SLC4A10: variants seen among roughly 807,000 people sequenced by gnomAD.
SLC4A10 encodes the protein sodium-driven chloride bicarbonate exchanger.
In SLC4A10, 42 loss-of-function variants were observed where a neutral mutation model predicts 137.7. The ratio of observed to expected loss-of-function variants is 0.30; its 90% CI spans 0.24 to 0.39. The LOEUF (loss-of-function observed/expected upper bound fraction) is 0.39, where lower values mean the gene tolerates loss of function less well. SLC4A10 is among the 10% of genes least tolerant of loss of function. The pLI, the probability that SLC4A10 is intolerant of heterozygous loss-of-function variation, is 1.00. For missense variants in SLC4A10, 925 were observed against 1,355.0 expected, an observed-to-expected ratio of 0.68 and a Z score of 4.98; for synonymous variants, 474 against 464.1, an observed-to-expected ratio of 1.02 and a Z score of -0.27.
intron 2 of SLC4A10, among the ~76,000 whole-genome samples, chr2:161,803,119 G>T (rs1288617957): frequency 6.6e-6 from 1 of 151,830 alleles, no homozygotes; most frequent in Non-Finnish European, 1.5e-5. Context: ...GATCTACTTG[G>T]TAACACAAAT....
At position 161,743,838 on chromosome 2, in the gene SLC4A10, G is replaced by A. The variant is rs188471112; in HGVS notation, c.49-27135G>A. Among the ~76,000 whole-genome samples the A allele has an allele frequency of 1.5e-4, 23 of 152,026 alleles. No individual in the cohort carries two copies. The East Asian group carries it at 3.9e-3, about 26-fold the overall frequency. On this transcript the variant is annotated intron_variant, in intron 1 of 26. Transcript: ENST00000446997. The stretch of plus-strand genomic sequence containing the variant: ...GCTTCAATGTTTTGTCTTTTTAATT[G>A]TAGAAATCTTTTACCTCTTTGATGA...
chr2:161,872,994 G>T (rs1361433122), intron 7 of SLC4A10, among the ~76,000 whole-genome samples: 1 of 152,144 alleles, frequency 6.6e-6, no homozygotes, highest in African/African-American at 2.4e-5. Context: ...GATTACAGGC[G>T]TGAGCCACCC....
chr2:161,758,047 G>A (rs908088572), intron 1 of SLC4A10, among the ~76,000 whole-genome samples: 3 of 151,196 alleles, frequency 2.0e-5, no homozygotes, highest in Admixed American at 2.0e-4. Flanking sequence ...TTTTTTCCAC[G>A]TTATTTTTAT....
intron 3 of SLC4A10, among the ~76,000 whole-genome samples, chr2:161,813,330 A>T (rs1168523808): frequency 6.6e-6 from 1 of 152,128 alleles, no homozygotes; most frequent in Non-Finnish European, 1.5e-5. Flanking sequence ...CAGTATGTAT[A>T]ATAAGCATCA....
chr2:161,899,198 C>A (rs2063835786), intron 11 of SLC4A10, among the ~76,000 whole-genome samples: 1 of 152,088 alleles, frequency 6.6e-6, no homozygotes. Flanking sequence ...TCTCCTCTTT[C>A]TCTTCTATAT....
Position 161,760,003 on chromosome 2 carries a change from T to C in SLC4A10, c.49-10970T>C, listed in dbSNP as rs1559185749. Among the ~76,000 whole-genome samples the C allele has an allele frequency of 5.9e-5, 9 of 151,972 alleles. No individual in the cohort carries two copies. The South Asian group carries it at 1.9e-3, about 31-fold the overall frequency. ...GTCATTTCTTTGTAGGTGGCTTTTT[T>C]CCTGGATGCTTTAAAAATGTCTCAT... On this transcript the variant is annotated intron_variant, in intron 1 of 26. Transcript: ENST00000446997.
intron 15 of SLC4A10, among the ~76,000 whole-genome samples, chr2:161,925,602 G>C (rs563198286): frequency 8.5e-5 from 13 of 152,104 alleles, no homozygotes; most frequent in Admixed American, 2.0e-4. Context: ...AGTTTTCGAA[G>C]GTGTTTGCTC....
chr2:161,645,707 T>A (rs986413433), intron 1 of SLC4A10, among the ~76,000 whole-genome samples: 1 of 152,078 alleles, frequency 6.6e-6, no homozygotes, highest in East Asian at 1.9e-4. Flanking sequence ...AAAAATATAA[T>A]ATTCCCCAAA....
chr2:161,951,976 T>C (rs1004342312), intron 19 of SLC4A10, among the ~76,000 whole-genome samples: 1 of 152,176 alleles, frequency 6.6e-6, no homozygotes, highest in East Asian at 1.9e-4. Context: ...CACAACTTTA[T>C]GTATTTTATT....
At chr2:161,906,015 C>A (rs1684263637) in intron 15 of SLC4A10, 128 bp downstream of exon 15, 2 of 1,198,408 alleles carry the variant, frequency 1.7e-6, no homozygotes, top group Non-Finnish European at 2.3e-6. Flanking sequence ...TAAATCCTGA[C>A]TCTCAGAGTC....
intron 19 of SLC4A10, among the ~76,000 whole-genome samples, chr2:161,954,216 G>A (rs566821550): frequency 6.6e-6 from 1 of 152,252 alleles, no homozygotes; most frequent in East Asian, 1.9e-4. Flanking sequence ...GGTTCTTCAT[G>A]TCAATCTATA....
At chr2:161,961,024 G>A (rs1369168581) in intron 21 of SLC4A10, among the ~76,000 whole-genome samples, 2 of 152,154 alleles carry the variant, frequency 1.3e-5, no homozygotes, top group East Asian at 1.9e-4. Context: ...ACATTATTTA[G>A]CCCAACACTC....
intron 1 of SLC4A10, among the ~76,000 whole-genome samples, chr2:161,752,622 A>G (rs547509497): frequency 1.3e-5 from 2 of 152,244 alleles, no homozygotes; most frequent in African/African-American, 4.8e-5. Context: ...ACACAATGGA[A>G]TAATATTCAG....
intron 1 of SLC4A10, among the ~76,000 whole-genome samples, chr2:161,716,413 G>A (rs2044882573): frequency 6.6e-6 from 1 of 152,036 alleles, no homozygotes; most frequent in Admixed American, 6.6e-5. Context: ...CCGTGCCTAT[G>A]TCCTGAATGG....
rs182789719 is a variant in SLC4A10, at chr2:161,668,547, G to A, written c.48+43981G>A. ...TGATCACTTTTGATTATTTTGAACA[G>A]GGACTTTAAATATTAGATGATAGTG... On this transcript the variant is annotated intron_variant, in intron 1 of 26. Coordinates refer to ENST00000446997, the MANE Select transcript of SLC4A10 (RefSeq NM_001178015.2). Among the ~76,000 whole-genome samples, 28 of 151,834 alleles carry A rather than the reference G, an allele frequency of 1.8e-4. No homozygotes were observed. In the East Asian group the frequency reaches 4.6e-3, roughly 25 times the overall value.
At chr2:161,763,451 C>T (rs1371000548) in intron 1 of SLC4A10, among the ~76,000 whole-genome samples, 4 of 151,950 alleles carry the variant, frequency 2.6e-5, no homozygotes, top group Admixed American at 1.3e-4. Context: ...ATAAAAAATA[C>T]GTATAAAGAT....
intron 19 of SLC4A10, among the ~76,000 whole-genome samples, chr2:161,954,409 A>G (rs1292448008): frequency 6.6e-6 from 1 of 152,068 alleles, no homozygotes; most frequent in Non-Finnish European, 1.5e-5. Flanking sequence ...TTCCTCCCAT[A>G]TGTCCATTTC....
At chr2:161,953,013 C>G (rs986788840) in intron 19 of SLC4A10, among the ~76,000 whole-genome samples, 5 of 152,152 alleles carry the variant, frequency 3.3e-5, no homozygotes, top group African/African-American at 1.2e-4. Context: ...CACAAGCTAA[C>G]CACTTGTGAA....
chr2:161,775,790 AT>A (rs991391440), intron 2 of SLC4A10, among the ~76,000 whole-genome samples: 3 of 150,808 alleles, frequency 2.0e-5, no homozygotes, highest in Non-Finnish European at 3.0e-5. Flanking sequence ...TTTAATGGAT[AT>A]TTTTTTTTCA....
Sources: allele counts gnomAD v4.1 joint callset (sites outside exome capture counted in the v4.1 genomes callset), GRCh38; gene constraint gnomAD v4.1.1; transcripts MANE v1.5; gene names NCBI Gene and HGNC (gene_info 2026-07-23, HGNC 2026-07-21).